GSG1L: variants seen among roughly 807,000 people sequenced by gnomAD.
GSG1L encodes germ cell-specific gene 1-like protein.
In GSG1L, 24 loss-of-function variants were observed where a neutral mutation model predicts 42.1. The observed-to-expected ratio is 0.57, with a 90% CI of 0.41 to 0.80. The LOEUF (loss-of-function observed/expected upper bound fraction) is 0.80, where lower values mean the gene tolerates loss of function less well. GSG1L is among the 30% of genes least tolerant of loss of function. GSG1L has a pLI of 0.00. For missense variants in GSG1L, 445 were observed against 472.2 expected, an observed-to-expected ratio of 0.94 and a Z score of 0.53; for synonymous variants, 215 against 203.5, an observed-to-expected ratio of 1.06 and a Z score of -0.48.
In GSG1L at chr16:27,789,870, G is replaced by A. The variant is rs2082733473; in HGVS notation, c.*1500C>T. On this transcript the variant is annotated 3_prime_UTR_variant, in exon 7 of 7. Coordinates refer to ENST00000447459, the MANE Select transcript of GSG1L (RefSeq NM_001109763.2). ...ATGGATGGATGGATGATGAAGGATG[G>A]ATGGTTGATGGACTATAGATGGATA... 1 of 151,836 alleles carries A rather than the reference G, an allele frequency of 6.6e-6. No individual in the cohort carries two copies. Among genetic ancestry groups the A allele is most frequent in the Non-Finnish European group, 1.5e-5 (1 of 67,944 alleles). The allele number at this position is 151,836 out of a possible 1,614,324, so 9.4% of individuals were successfully genotyped here. A position where few individuals can be genotyped will look rare whatever the true frequency, so the allele number is the denominator to read the frequency against.
intron 1 of GSG1L, among the ~76,000 whole-genome samples, chr16:28,002,565 G>A (rs1268190704): frequency 1.3e-5 from 2 of 152,094 alleles, no homozygotes; most frequent in African/African-American, 4.8e-5. Context: ...GGGCTGGAGT[G>A]AGCTGTATTT....
At chr16:27,938,827 G>A (rs946001799) in intron 2 of GSG1L, among the ~76,000 whole-genome samples, 5 of 152,206 alleles carry the variant, frequency 3.3e-5, no homozygotes, top group African/African-American at 1.2e-4. Flanking sequence ...TGGCAAGAAA[G>A]AGGATCACTT....
intron 2 of GSG1L, among the ~76,000 whole-genome samples, chr16:27,928,449 C>A (rs2084619854): frequency 6.6e-6 from 1 of 152,158 alleles, no homozygotes. Flanking sequence ...GTCTCTGGGC[C>A]CCTCCAAGAC....
chr16:28,050,555 G>A (rs926213200), intron 1 of GSG1L, among the ~76,000 whole-genome samples: 1 of 152,202 alleles, frequency 6.6e-6, no homozygotes, highest in Non-Finnish European at 1.5e-5. Flanking sequence ...ATAGAAATAG[G>A]TATCTTGGAA....
Position 28,019,310 on chromosome 16 carries a change from G to A in GSG1L, c.349+43766C>T, listed in dbSNP as rs1414903581. The stretch of plus-strand genomic sequence containing the variant: ...AAAGTGACCTCTGGTCATCCTCACT[G>A]CTCATTATATGCTAATTATAATGCA... On this transcript the variant is annotated intron_variant, in intron 1 of 6. Transcript: ENST00000447459. Among the ~76,000 whole-genome samples, 4 of 152,254 alleles carry A rather than the reference G, an allele frequency of 2.6e-5. No homozygotes were observed. In the East Asian group the frequency reaches 7.7e-4, roughly 29 times the overall value.
At chr16:27,931,454 A>G (rs2084656961) in intron 2 of GSG1L, among the ~76,000 whole-genome samples, 1 of 152,228 alleles carries the variant, frequency 6.6e-6, no homozygotes. Flanking sequence ...AACTCAAACC[A>G]GAAGAGCCCT....
At chr16:27,831,060 G>T (rs1340185875) in intron 4 of GSG1L, among the ~76,000 whole-genome samples, 1 of 152,238 alleles carries the variant, frequency 6.6e-6, no homozygotes, top group Non-Finnish European at 1.5e-5. Flanking sequence ...AACAGTAATT[G>T]GTTGGGGGGT....
chr16:27,977,371 A>G (rs975327150), intron 1 of GSG1L, among the ~76,000 whole-genome samples: 5 of 152,134 alleles, frequency 3.3e-5, no homozygotes, highest in African/African-American at 7.2e-5. Context: ...ACTTGAGGTC[A>G]GGAGTTTGAG....
intron 2 of GSG1L, among the ~76,000 whole-genome samples, chr16:27,920,569 A>G (rs1200689711): frequency 3.9e-5 from 6 of 152,142 alleles, no homozygotes; most frequent in Non-Finnish European, 8.8e-5. Flanking sequence ...TAGGAGTGAG[A>G]CATGTTTTGC....
intron 3 of GSG1L, among the ~76,000 whole-genome samples, chr16:27,862,177 G>A (rs547489391): frequency 6.6e-6 from 1 of 152,324 alleles, no homozygotes; most frequent in South Asian, 2.1e-4. Flanking sequence ...ACGTGACTAT[G>A]TTACATAAGA....
chr16:27,875,523 G>A (rs1052120931), intron 3 of GSG1L, among the ~76,000 whole-genome samples: 8 of 152,240 alleles, frequency 5.3e-5, no homozygotes, highest in South Asian at 2.1e-4. Flanking sequence ...GCACCGGATC[G>A]TTCGGTTCCA....
At chr16:27,851,319 C>G (rs889581351) in intron 3 of GSG1L, among the ~76,000 whole-genome samples, 3 of 152,176 alleles carry the variant, frequency 2.0e-5, no homozygotes, top group Admixed American at 2.0e-4. Context: ...GCCTCAGCCT[C>G]CAGAGTAGCT....
At chr16:27,950,030 A>G (rs1304429899) in intron 2 of GSG1L, among the ~76,000 whole-genome samples, 1 of 152,368 alleles carries the variant, frequency 6.6e-6, no homozygotes, top group East Asian at 1.9e-4. Context: ...GTGCAAGTAT[A>G]GACATGTATG....
rs567200077 is a variant in GSG1L at position 27,823,886 on chromosome 16, G to T, written c.830+4903C>A. 3 of 702,798 alleles carry T rather than the reference G, an allele frequency of 4.3e-6. No individual in the cohort carries two copies. In the African/African-American group the frequency reaches 5.2e-5, roughly 12 times the overall value. 43.5% of individuals were successfully genotyped at this position (702,798 alleles called of 1,614,324 possible). ...CCAGCTGTGTGACCTGGGGCAAGTC[G>T]CCCTCCCTCTCTGTGCCTCGATTTG... On this transcript the variant is annotated intron_variant, in intron 5 of 6. Transcript: ENST00000447459.
intron 2 of GSG1L, among the ~76,000 whole-genome samples, chr16:27,926,586 G>A (rs1044800674): frequency 7.2e-5 from 11 of 152,214 alleles, no homozygotes; most frequent in African/African-American, 2.7e-4. Context: ...CTACTCTGGG[G>A]GCTGAGGCAG....
intron 3 of GSG1L, among the ~76,000 whole-genome samples, chr16:27,881,978 G>A (rs990487117): frequency 6.6e-6 from 1 of 152,048 alleles, no homozygotes; most frequent in African/African-American, 2.4e-5. Context: ...CACTTCATCT[G>A]TGCTCCACCC....
At chr16:27,851,202 T>G (rs984849165) in intron 3 of GSG1L, among the ~76,000 whole-genome samples, 1 of 152,034 alleles carries the variant, frequency 6.6e-6, no homozygotes, top group African/African-American at 2.4e-5. Context: ...TGTCTGTTTG[T>G]TTTTTGTTTT....
chr16:28,048,196 C>T (rs1267681523), intron 1 of GSG1L, among the ~76,000 whole-genome samples: 1 of 152,030 alleles, frequency 6.6e-6, no homozygotes, highest in Non-Finnish European at 1.5e-5. Flanking sequence ...TCACTGCACT[C>T]CAGCCTGGAC....
intron 5 of GSG1L, 137 bp downstream of exon 5, chr16:27,828,649 CCTT>C: frequency 1.3e-6 from 1 of 748,696 alleles, no homozygotes; most frequent in African/African-American, 1.8e-5. Context: ...CCAAACTCTG[CCTT>C]CTTCTGCCTC....
Sources: gnomAD v4.1 joint callset for allele counts (sites outside exome capture counted in the v4.1 genomes callset) on GRCh38, gnomAD v4.1.1 for gene constraint, MANE v1.5 for transcripts, NCBI Gene and HGNC (gene_info 2026-07-23, HGNC 2026-07-21) for gene names.